Variants in GRIN2C observed in about 807,000 individuals in gnomAD.
GRIN2C encodes the protein glutamate ionotropic receptor NMDA type subunit 2C, also known as glutamate receptor ionotropic, NMDA 2C.
In GRIN2C, 64 loss-of-function variants were observed where a neutral mutation model predicts 77.7. That is an observed-to-expected ratio of 0.82 (90% CI 0.67 to 1.01). The LOEUF is 1.01. Ranked by LOEUF, GRIN2C falls within the 50% of genes least tolerant of loss-of-function variation. The pLI is 0.00. For missense variants in GRIN2C, 1,549 were observed against 1,486.0 expected, an observed-to-expected ratio of 1.04 and a Z score of -0.70; for synonymous variants, 792 against 643.4, an observed-to-expected ratio of 1.23 and a Z score of -3.49.
upstream of GRIN2C, chr17:74,860,510 C>T (rs1436834371): frequency 2.2e-6 from 1 of 456,548 alleles, no homozygotes. Flanking sequence ...GGTGCCTTTG[C>T]TCCGCGTGTC....
intron 1 of GRIN2C, among the ~76,000 whole-genome samples, chr17:74,858,155 C>T (rs1210958793): frequency 3.3e-5 from 5 of 152,118 alleles, no homozygotes; most frequent in Non-Finnish European, 7.4e-5. Context: ...CTCCCTACTC[C>T]CCTCAAGCTT....
upstream of GRIN2C, among the ~76,000 whole-genome samples, chr17:74,861,140 C>T (rs1055077239): frequency 5.3e-5 from 8 of 152,180 alleles, no homozygotes; most frequent in Non-Finnish European, 8.8e-5. Context: ...ACCCTGGGGA[C>T]GAACGTCTTG....
chr17:74,853,968 C>G lies in GRIN2C; in HGVS notation c.399+726G>C, dbSNP rs577655571. 7 of 152,414 alleles carry G rather than the reference C, an allele frequency of 4.6e-5. No individual in the cohort carries two copies. In the East Asian group the frequency reaches 1.3e-3, roughly 29 times the overall value. 9.4% of individuals were successfully genotyped at this position (152,414 alleles called of 1,614,324 possible). ...AAATGTCTTCCCAGGTGGCCAGGCC[C>G]CCGCCTCCTTCTCCAGGCTTTTCCC... is the stretch of plus-strand genomic sequence containing the variant. On this transcript the variant is annotated intron_variant, in intron 2 of 12. Transcript: ENST00000293190.
chr17:74,849,828 C>T lies in GRIN2C; in HGVS notation c.1597G>A (p.Val533Met). ...GTGCCATTGCTGCGAGCCACCATCA[C>T]ACTGATGCCCGTCTCCACAAAGGGT... ...SVPFVETGIS[V>M]MVARSNGTVS... is the part of the protein sequence containing the mutation. Residue 533 changes from valine to methionine, a missense_variant, in exon 7 of 13, where the codon GTG becomes ATG. By Grantham distance (21) the Val-to-Met change is conservative (BLOSUM62 1). Transcript: ENST00000293190. This position sits in a 1 kb window ranked among gnomAD's most constrained non-coding sequence, Gnocchi z 4.6. 1 of 1,613,624 alleles carries T rather than the reference C, an allele frequency of 6.2e-7. No individual in the cohort carries two copies. The highest frequency in any genetic ancestry group is 8.5e-7 in the Non-Finnish European group (1 of 1,179,834).
At chr17:74,854,263 A>G (rs2037746243) in intron 2 of GRIN2C, 1 of 166,994 alleles carries the variant, frequency 6.0e-6, no homozygotes, top group African/African-American at 2.4e-5. Context: ...GAGCCCTGCA[A>G]GGGCAGGGCC....
rs1004369498 is a variant in GRIN2C at position 74,851,685 on chromosome 17, T to C, written c.1005A>G (p.Leu335=). Residue 335 remains leucine, a synonymous_variant, in exon 4 of 13, where the codon CTA becomes CTG. Coordinates refer to ENST00000293190, the MANE Select transcript of GRIN2C (RefSeq NM_000835.6). ...CTCGGCCCTCCCAGGTGACATTCAG[T>C]AGGTGCCTGCCAGAGGGGAGAGATG... ...SPAREAFYRH[L]LNVTWEGRDF... 5.8e-6 allele frequency: 9 copies of C among 1,555,836 alleles called. No individual in the cohort carries two copies. The highest frequency in any genetic ancestry group is 3.8e-5 in the Admixed American group (2 of 52,368).
Position 74,852,348 on chromosome 17 carries a change from C to A in GRIN2C, c.663G>T (p.Ala221=). The change falls in exon 3 of 13, where the codon GCG becomes GCT. Residue 221 remains alanine, a synonymous_variant. Coordinates refer to ENST00000293190, the MANE Select transcript of GRIN2C (RefSeq NM_000835.6). ...RTQRLLRQLD[A]PVFVAYCSRE... Reference sequence around the variant, plus strand: ...GCGAGCAGTAGGCCACAAACACGGGCGCGTCGAGCTGGCGCAGCAGGCGCT... The same window carrying A: ...GCGAGCAGTAGGCCACAAACACGGGAGCGTCGAGCTGGCGCAGCAGGCGCT... 6.9e-7 allele frequency: 1 copy of A among 1,455,484 alleles called. No homozygotes were observed. The highest frequency in any genetic ancestry group is 9.0e-7 in the Non-Finnish European group (1 of 1,111,430). The allele number at this position is 1,455,484 out of a possible 1,614,324, so 90.2% of individuals were successfully genotyped here. A position where few individuals can be genotyped will look rare whatever the true frequency, so the allele number is the denominator to read the frequency against.
rs140709059 is a variant in GRIN2C, at chr17:74,854,274, G to A, written c.399+420C>T. ...CCCTGAGCCCTGCAAGGGCAGGGCC[G>A]TTTCTGCCTCCCCCAGGGCTCCCAG... On this transcript the variant is annotated intron_variant, in intron 2 of 12. Transcript: ENST00000293190. The A allele has an allele frequency of 6.2e-4, 106 of 170,596 alleles. 1 individual carries two copies. The Middle Eastern group carries it at 0.013, about 21-fold the overall frequency. 10.6% of individuals were successfully genotyped at this position (170,596 alleles called of 1,614,324 possible). A position where few individuals can be genotyped will look rare whatever the true frequency, so the allele number is the denominator to read the frequency against.
chr17:74,846,130 G>A lies in GRIN2C; in HGVS notation c.2286C>T (p.Ala762=). The change falls in exon 11 of 13, where the codon GCC becomes GCT. Residue 762 remains alanine, a synonymous_variant. Transcript: ENST00000293190. The surrounding 1 kb of genome is among the most constrained non-coding windows in gnomAD (Gnocchi z 4.4). Reference sequence around the variant, plus strand: ...GCTTCCAGTGGGAGTCCTTCTGCATGGCGATGCCGTAGCCAGTGGTAGCAA... The same window carrying A: ...GCTTCCAGTGGGAGTCCTTCTGCATAGCGATGCCGTAGCCAGTGGTAGCAA... The part of the protein sequence containing the change: ...KVFATTGYGI[A]MQKDSHWKRA... 3 of 1,614,196 alleles carry A rather than the reference G, an allele frequency of 1.9e-6. No homozygotes were observed. The highest frequency in any genetic ancestry group is 2.5e-6 in the Non-Finnish European group (3 of 1,180,022).
At position 74,850,018 on chromosome 17, in the gene GRIN2C, A is replaced by G. The variant is rs984744652; in HGVS notation, c.1492-85T>C. ...ACAGGCACCTCCAGACACCCCTTCTAGCACCCACCAGCTGAGTCAATCATT... is the reference window on the plus strand; with the variant it reads ...ACAGGCACCTCCAGACACCCCTTCTGGCACCCACCAGCTGAGTCAATCATT... On this transcript the variant is annotated intron_variant, in intron 6 of 12. Coordinates refer to ENST00000293190, the MANE Select transcript of GRIN2C (RefSeq NM_000835.6). This position sits in a 1 kb window ranked among gnomAD's most constrained non-coding sequence, Gnocchi z 5.3. 6.9e-7 allele frequency: 1 copy of G among 1,448,930 alleles called. No individual in the cohort carries two copies. Among genetic ancestry groups the G allele is most frequent in the Non-Finnish European group, 9.5e-7 (1 of 1,057,792 alleles). 89.8% of individuals were successfully genotyped at this position (1,448,930 alleles called of 1,614,324 possible).
rs1411922116 is a variant in GRIN2C, at chr17:74,849,259, G to A, written c.1645+521C>T. Among the ~76,000 whole-genome samples, 3 of 152,012 alleles carry A rather than the reference G, an allele frequency of 2.0e-5. No individual in the cohort carries two copies. Among genetic ancestry groups the A allele is most frequent in the Non-Finnish European group, 2.9e-5 (2 of 67,992 alleles). ...AGCCTCAGCTCTTCCCCTGCCCCTC[G>A]CCTGTCTTCACAGCTCTCTGCCACC... On this transcript the variant is annotated intron_variant, in intron 7 of 12. Transcript: ENST00000293190. The surrounding 1 kb of genome is among the most constrained non-coding windows in gnomAD (Gnocchi z 4.6).
In GRIN2C at chr17:74,851,266, T is replaced by C. The variant is rs530391158; in HGVS notation, c.1113+311A>G. Reference sequence around the variant, plus strand: ...CTACTCAAGCACTTGTCCCTGCATATTGTTTACAAGCCTGTCTGGCCAGCA... The same window carrying C: ...CTACTCAAGCACTTGTCCCTGCATACTGTTTACAAGCCTGTCTGGCCAGCA... On this transcript the variant is annotated intron_variant, in intron 4 of 12. Coordinates refer to ENST00000293190, the MANE Select transcript of GRIN2C (RefSeq NM_000835.6). The C allele has an allele frequency of 1.9e-5, 7 of 363,078 alleles. No individual in the cohort carries two copies. In the South Asian group the frequency reaches 2.5e-4, roughly 13 times the overall value. 22.5% of individuals were successfully genotyped at this position (363,078 alleles called of 1,614,324 possible).
intron 7 of GRIN2C, among the ~76,000 whole-genome samples, chr17:74,848,665 A>G (rs1335803481): frequency 2.0e-5 from 3 of 151,978 alleles, no homozygotes; most frequent in Non-Finnish European, 4.4e-5. Context: ...GCACCACTGC[A>G]CTCCAGCCTG....
intron 3 of GRIN2C, 47 bp downstream of exon 3, chr17:74,851,966 G>A (rs753852694): frequency 1.8e-5 from 26 of 1,407,200 alleles, no homozygotes; most frequent in East Asian, 1.8e-4. Context: ...CAGCTCCCCC[G>A]AAGCGCTCCC....
At position 74,850,909 on chromosome 17, in the gene GRIN2C, C is replaced by T. The variant is rs1054246954; in HGVS notation, c.1114-142G>A. ...AGAGTAGGGCTGCTCCCAACAGCCT[C>T]CCCCAGCCTCGGGTCCCTGTGTTCA... On this transcript the variant is annotated intron_variant, in intron 4 of 12. Coordinates refer to ENST00000293190, the MANE Select transcript of GRIN2C (RefSeq NM_000835.6). The surrounding 1 kb of genome is among the most constrained non-coding windows in gnomAD (Gnocchi z 5.3). The T allele has an allele frequency of 8.9e-6, 6 of 674,808 alleles. No individual in the cohort carries two copies. The African/African-American group carries it at 9.0e-5, about 10-fold the overall frequency. The allele number at this position is 674,808 out of a possible 1,614,324, so 41.8% of individuals were successfully genotyped here. A position where few individuals can be genotyped will look rare whatever the true frequency, so the allele number is the denominator to read the frequency against.
At chr17:74,855,684 C>T (rs887876872) in intron 1 of GRIN2C, among the ~76,000 whole-genome samples, 1 of 152,196 alleles carries the variant, frequency 6.6e-6, no homozygotes, top group Non-Finnish European at 1.5e-5. Context: ...TCTTGCATCA[C>T]CCCCAACCCC....
chr17:74,850,801 C>A lies in GRIN2C; in HGVS notation c.1114-34G>T. 1 of 1,531,628 alleles carries A rather than the reference C, an allele frequency of 6.5e-7. No individual in the cohort carries two copies. The highest frequency in any genetic ancestry group is 2.3e-5 in the East Asian group (1 of 42,820). The allele number at this position is 1,531,628 out of a possible 1,614,324, so 94.9% of individuals were successfully genotyped here. On this transcript the variant is annotated intron_variant, in intron 4 of 12. Coordinates refer to ENST00000293190, the MANE Select transcript of GRIN2C (RefSeq NM_000835.6). This position sits in a 1 kb window ranked among gnomAD's most constrained non-coding sequence, Gnocchi z 5.3. ...GGTGACAGCCTCAGCCTGGGGCCTC[C>A]AGCCCTACAGCCCCCACCCTCTAGG...
chr17:74,855,058 G>A lies in GRIN2C; in HGVS notation c.35C>T (p.Thr12Ile), dbSNP rs1210067571. ...CCCTGCCCAGGCACCGAAGAGCGAG[G>A]TGAGCAACAGGGCCGGCCCCAGGGC... ...GGALGPALLL[T>I]SLFGAWAGLG... The change falls in exon 2 of 13, where the codon ACC (threonine) becomes ATC (isoleucine). Residue 12 changes from threonine to isoleucine, a missense_variant. Coordinates refer to ENST00000293190, the MANE Select transcript of GRIN2C (RefSeq NM_000835.6). 3 of 1,596,656 alleles carry A rather than the reference G, an allele frequency of 1.9e-6. No homozygotes were observed. Among genetic ancestry groups the A allele is most frequent in the African/African-American group, 2.7e-5 (2 of 74,914 alleles).
intron 12 of GRIN2C, 83 bp downstream of exon 12, chr17:74,844,193 G>A: frequency 6.4e-7 from 1 of 1,567,420 alleles, no homozygotes; most frequent in Non-Finnish European, 8.7e-7. Flanking sequence ...TTTTACCTCT[G>A]GAAATGGGCC....
Sources: allele counts gnomAD v4.1 joint callset (sites outside exome capture counted in the v4.1 genomes callset), GRCh38; gene constraint gnomAD v4.1.1; non-coding constraint Gnocchi (gnomAD v3.1); transcripts MANE v1.5; gene names NCBI Gene and HGNC (gene_info 2026-07-23, HGNC 2026-07-21).